Variants in NRG3 observed in about 807,000 individuals in gnomAD.
The protein encoded by NRG3 is neuregulin 3.
NRG3 carries 31 observed loss-of-function variants against 66.9 expected under a neutral mutation model. The ratio of observed to expected loss-of-function variants is 0.46; its 90% CI spans 0.35 to 0.63. The LOEUF is 0.63. Ranked by LOEUF, NRG3 falls within the 20% of genes least tolerant of loss-of-function variation. The pLI, the probability that NRG3 is intolerant of heterozygous loss-of-function variation, is 0.00. For synonymous variants in NRG3, 393 were observed against 359.4 expected, an observed-to-expected ratio of 1.09 and a Z score of -1.06; for missense variants, 910 against 878.9, an observed-to-expected ratio of 1.04 and a Z score of -0.45.
At chr10:82,105,755 C>T (rs367769282) in intron 1 of NRG3, among the ~76,000 whole-genome samples, 10 of 152,148 alleles carry the variant, frequency 6.6e-5, no homozygotes, top group African/African-American at 2.4e-4. Flanking sequence ...TGAAAATAGA[C>T]ATAAATGATA....
chr10:82,804,780 C>T (rs865905823), intron 3 of NRG3, among the ~76,000 whole-genome samples: 5 of 152,132 alleles, frequency 3.3e-5, no homozygotes, highest in Non-Finnish European at 7.3e-5. Flanking sequence ...AGAATGCAGA[C>T]GGTCAAAATT....
At chr10:82,028,666 A>G (rs1028740767) in intron 1 of NRG3, among the ~76,000 whole-genome samples, 1 of 152,084 alleles carries the variant, frequency 6.6e-6, no homozygotes, top group African/African-American at 2.4e-5. Context: ...CTTTACTTAT[A>G]CAAACCCTCA....
At chr10:82,159,927 G>A (rs1489908798) in intron 1 of NRG3, among the ~76,000 whole-genome samples, 2 of 151,874 alleles carry the variant, frequency 1.3e-5, no homozygotes, top group Non-Finnish European at 2.9e-5. Context: ...GGAATGAATG[G>A]AGCAAAAAAT....
chr10:82,955,019 T>C (rs867973156), intron 5 of NRG3, among the ~76,000 whole-genome samples: 3 of 152,078 alleles, frequency 2.0e-5, no homozygotes, highest in South Asian at 2.1e-4. Flanking sequence ...ATAAGTTCAC[T>C]TGAACCTCCA....
At chr10:82,130,506 G>A (rs1309297605) in intron 1 of NRG3, among the ~76,000 whole-genome samples, 1 of 152,122 alleles carries the variant, frequency 6.6e-6, no homozygotes, top group Admixed American at 6.6e-5. Context: ...ACATGGGTGT[G>A]TGGATATCTC....
At chr10:82,881,660 C>T (rs190581551) in intron 4 of NRG3, among the ~76,000 whole-genome samples, 14 of 152,292 alleles carry the variant, frequency 9.2e-5, no homozygotes, top group African/African-American at 2.4e-4. Context: ...TTGACTTCAT[C>T]TCCTATATGC....
chr10:82,006,557 A>G (rs2061383677), intron 1 of NRG3, among the ~76,000 whole-genome samples: 1 of 152,038 alleles, frequency 6.6e-6, no homozygotes, highest in East Asian at 1.9e-4. Context: ...TGAAAGTTAA[A>G]TATTTGTTTA....
intron 3 of NRG3, among the ~76,000 whole-genome samples, chr10:82,780,591 A>G (rs995231892): frequency 6.8e-6 from 1 of 147,806 alleles, no homozygotes; most frequent in Non-Finnish European, 1.5e-5. Flanking sequence ...GAGACTCTGG[A>G]TCCTAGTTCA....
chr10:82,117,393 A>C (rs2067796505), intron 1 of NRG3, among the ~76,000 whole-genome samples: 3 of 152,292 alleles, frequency 2.0e-5, no homozygotes, highest in Admixed American at 2.0e-4. Context: ...AAGATACTCT[A>C]AATCCACATC....
intron 4 of NRG3, among the ~76,000 whole-genome samples, chr10:82,938,891 C>T (rs1280405794): frequency 6.6e-6 from 1 of 152,108 alleles, no homozygotes. Flanking sequence ...GTGATAAAAC[C>T]TAGAATTGAG....
chr10:82,740,322 C>T (rs1452660735), intron 3 of NRG3, among the ~76,000 whole-genome samples: 1 of 151,504 alleles, frequency 6.6e-6, no homozygotes, highest in Non-Finnish European at 1.5e-5. Flanking sequence ...TTACAAAGGG[C>T]AAGGTCTTGC....
chr10:81,922,080 T>C (rs998639917), intron 1 of NRG3, among the ~76,000 whole-genome samples: 4 of 152,162 alleles, frequency 2.6e-5, no homozygotes, highest in Non-Finnish European at 4.4e-5. Flanking sequence ...CCAGTTTAAA[T>C]GCCCACTATT....
chr10:82,462,753 G>A (rs994446762), intron 2 of NRG3, among the ~76,000 whole-genome samples: 3 of 152,204 alleles, frequency 2.0e-5, no homozygotes, highest in African/African-American at 7.2e-5. Flanking sequence ...GGTGCTGTAA[G>A]AATAGTTTTG....
chr10:82,852,823 T>C (rs1358546935), intron 3 of NRG3, among the ~76,000 whole-genome samples: 1 of 152,236 alleles, frequency 6.6e-6, no homozygotes, highest in East Asian at 1.9e-4. Context: ...AAAATACATA[T>C]AGAAAGTTAC....
intron 8 of NRG3, chr10:82,984,761 C>A (rs1361602823): frequency 6.4e-7 from 1 of 1,551,468 alleles, no homozygotes; most frequent in South Asian, 1.2e-5. Context: ...CCTGCTCAAT[C>A]CCCATTTACT....
At chr10:82,485,254 C>T (rs2132185812) in intron 2 of NRG3, among the ~76,000 whole-genome samples, 1 of 152,068 alleles carries the variant, frequency 6.6e-6, no homozygotes, top group Non-Finnish European at 1.5e-5. Context: ...TGACTGAATT[C>T]AAAGATGAGC....
rs539346344 is a variant in NRG3 at position 82,398,347 on chromosome 10, T to C, written c.953+39479T>C. 5.9e-5 allele frequency among the ~76,000 whole-genome samples: 9 copies of C among 152,300 alleles called. 1 individual carries two copies. In the South Asian group the frequency reaches 1.9e-3, roughly 32 times the overall value. On this transcript the variant is annotated intron_variant, in intron 2 of 8. Coordinates refer to ENST00000372141, the MANE Select transcript of NRG3 (RefSeq NM_001010848.4). ...AGGAAGGTTACTGAAAACCCAGGGC[T>C]TGTTTTTCAATACCTTTTGTTAGGT...
At chr10:82,251,469 A>G (rs936310083) in intron 1 of NRG3, among the ~76,000 whole-genome samples, 6 of 152,012 alleles carry the variant, frequency 3.9e-5, no homozygotes, top group Non-Finnish European at 8.8e-5. Context: ...AGTGATCACA[A>G]TCAGGATTCC....
intron 3 of NRG3, among the ~76,000 whole-genome samples, chr10:82,748,527 G>A (rs2058732975): frequency 6.6e-6 from 1 of 150,806 alleles, no homozygotes; most frequent in Admixed American, 6.6e-5. Context: ...AATATGGTAG[G>A]ATTGCACAAT....
Sources: allele counts gnomAD v4.1 joint callset (sites outside exome capture counted in the v4.1 genomes callset), GRCh38; gene constraint gnomAD v4.1.1; transcripts MANE v1.5; gene names NCBI Gene and HGNC (gene_info 2026-07-23, HGNC 2026-07-21).